Variants in ZBTB38 observed in about 807,000 individuals in gnomAD.
ZBTB38 encodes the protein zinc finger and BTB domain-containing protein 38.
ZBTB38 carries 20 observed loss-of-function variants against 76.8 expected under a neutral mutation model. The ratio of observed to expected loss-of-function variants is 0.26; its 90% CI spans 0.18 to 0.38. The LOEUF (loss-of-function observed/expected upper bound fraction) is 0.38, where lower values mean the gene tolerates loss of function less well. Ranked by LOEUF, ZBTB38 falls within the 10% of genes least tolerant of loss-of-function variation. The pLI, the probability that ZBTB38 is intolerant of heterozygous loss-of-function variation, is 1.00. For synonymous variants in ZBTB38, 504 were observed against 544.2 expected (o/e 0.93, Z 1.03); for missense variants, 1,082 against 1,482.3 (o/e 0.73, Z 4.43).
chr3:141,389,603 T>C (rs1395608577), intron 4 of ZBTB38: 2 of 152,172 alleles, frequency 1.3e-5, no homozygotes, highest in Non-Finnish European at 2.9e-5. Context: ...TTTTTTTTAG[T>C]ACCAACAGCA....
intron 3 of ZBTB38, among the ~76,000 whole-genome samples, chr3:141,384,519 A>G (rs541979324): frequency 8.5e-5 from 13 of 152,268 alleles, no homozygotes; most frequent in Admixed American, 1.3e-4. Flanking sequence ...CTCAACAGAC[A>G]TGAAGAGCAT....
chr3:141,403,062 C>T (rs538015717), intron 4 of ZBTB38: 2 of 152,320 alleles, frequency 1.3e-5, no homozygotes, highest in East Asian at 3.9e-4. Context: ...AACCGCCCGC[C>T]GTTAGCCACT....
intron 5 of ZBTB38, among the ~76,000 whole-genome samples, chr3:141,438,632 T>C (rs888258772): frequency 1.1e-4 from 17 of 152,352 alleles, no homozygotes; most frequent in African/African-American, 3.8e-4. Context: ...TGATGGCCTA[T>C]TGGTCTCCTG....
intron 1 of ZBTB38, among the ~76,000 whole-genome samples, chr3:141,343,398 A>T (rs1053568287): frequency 1.1e-4 from 17 of 152,130 alleles, no homozygotes; most frequent in African/African-American, 4.1e-4. Context: ...GTGTTAGGTC[A>T]TGAGAGCCAG....
At position 141,447,642 on chromosome 3, in the gene ZBTB38, AC is replaced by A. The variant is rs2081197445; in HGVS notation, c.*1669del. The A allele has an allele frequency of 6.6e-6, 1 of 152,340 alleles. No individual in the cohort carries two copies. Among genetic ancestry groups the A allele is most frequent in the Admixed American group, 6.5e-5 (1 of 15,286 alleles). The allele number at this position is 152,340 out of a possible 1,614,324, so 9.4% of individuals were successfully genotyped here. ...TGTTCATTGGATTTGACAGATGGAA[AC>A]CCAAGGTTATCGAAGATTGGAAGGT... On this transcript the variant is annotated 3_prime_UTR_variant, in exon 6 of 6. Transcript: ENST00000321464.
At chr3:141,429,286 G>A (rs1230234188) in intron 5 of ZBTB38, among the ~76,000 whole-genome samples, 4 of 151,976 alleles carry the variant, frequency 2.6e-5, no homozygotes, top group East Asian at 1.9e-4. Context: ...TGCTTTTTGC[G>A]GGGATTGTGA....
intron 1 of ZBTB38, among the ~76,000 whole-genome samples, chr3:141,340,202 C>T (rs1468296236): frequency 2.6e-5 from 4 of 152,150 alleles, no homozygotes; most frequent in Admixed American, 6.5e-5. Flanking sequence ...TTTGTTAAAA[C>T]CTAGTGTTTA....
In ZBTB38 at chr3:141,340,221, G is replaced by C. The variant is rs550035260; in HGVS notation, c.-739+15765G>C. Among the ~76,000 whole-genome samples the C allele has an allele frequency of 5.3e-5, 8 of 152,250 alleles. No individual in the cohort carries two copies. The East Asian group carries it at 1.5e-3, about 29-fold the overall frequency. ...TTAAAACCTAGTGTTTAAAAACCAT[G>C]TATACTTTAGAGTTTTCAATAATAT... On this transcript the variant is annotated intron_variant, in intron 1 of 7. Transcript: ENST00000509842.
At chr3:141,381,012 G>A (rs1463595211) in intron 2 of ZBTB38, among the ~76,000 whole-genome samples, 2 of 152,090 alleles carry the variant, frequency 1.3e-5, no homozygotes, top group Non-Finnish European at 2.9e-5. Context: ...CTAGTTGCCA[G>A]TCTCTCCAAA....
chr3:141,345,404 A>T (rs1576655509), intron 1 of ZBTB38, among the ~76,000 whole-genome samples: 1 of 152,064 alleles, frequency 6.6e-6, no homozygotes, highest in African/African-American at 2.4e-5. Flanking sequence ...ACATGCTGGG[A>T]ACAGGTGAGC....
At chr3:141,337,058 C>T (rs753762216) in intron 1 of ZBTB38, among the ~76,000 whole-genome samples, 13 of 152,222 alleles carry the variant, frequency 8.5e-5, no homozygotes, top group Non-Finnish European at 1.6e-4. Flanking sequence ...TCTCCTTTGA[C>T]GCCCACTTCC....
chr3:141,380,489 T>A lies in ZBTB38; in HGVS notation c.-234-936T>A, dbSNP rs531077518. Among the ~76,000 whole-genome samples the A allele has an allele frequency of 2.0e-5, 3 of 152,310 alleles. No homozygotes were observed. In the South Asian group the frequency reaches 6.2e-4, roughly 32 times the overall value. On this transcript the variant is annotated intron_variant, in intron 2 of 5. Transcript: ENST00000321464. Reference sequence around the variant, plus strand: ...TTCCTTAACTCCTGAAGCAAGTACTTTAACTTTAGGAAGTGGCTTCATGAT... The same window carrying A: ...TTCCTTAACTCCTGAAGCAAGTACTATAACTTTAGGAAGTGGCTTCATGAT...
At chr3:141,416,331 A>G (rs2074046565) in intron 5 of ZBTB38, among the ~76,000 whole-genome samples, 1 of 152,148 alleles carries the variant, frequency 6.6e-6, no homozygotes, top group Non-Finnish European at 1.5e-5. Flanking sequence ...TTGTGAATTT[A>G]TGGTTGTTGT....
intron 5 of ZBTB38, among the ~76,000 whole-genome samples, 168 bp downstream of exon 5, chr3:141,404,199 C>T (rs1272954966): frequency 6.6e-6 from 1 of 152,232 alleles, no homozygotes; most frequent in East Asian, 1.9e-4. Flanking sequence ...GTGTGAAGCC[C>T]CCGTGATGAA....
intron 5 of ZBTB38, among the ~76,000 whole-genome samples, chr3:141,428,503 T>A (rs1241124351): frequency 3.3e-5 from 5 of 152,174 alleles, no homozygotes; most frequent in African/African-American, 1.2e-4. Flanking sequence ...ATTTTTTTTT[T>A]AGACGGAGTT....
At chr3:141,436,600 C>G (rs1436742415) in intron 5 of ZBTB38, among the ~76,000 whole-genome samples, 1 of 152,104 alleles carries the variant, frequency 6.6e-6, no homozygotes, top group Non-Finnish European at 1.5e-5. Flanking sequence ...CAGGTTCAAG[C>G]GATTCTCCTT....
At chr3:141,326,614 C>T (rs1434426992) in intron 1 of ZBTB38, among the ~76,000 whole-genome samples, 1 of 152,172 alleles carries the variant, frequency 6.6e-6, no homozygotes, top group African/African-American at 2.4e-5. Context: ...CTCTTTTCTA[C>T]AGTCTTGGTG....
At chr3:141,426,288 C>A in intron 5 of ZBTB38, 1 of 890,952 alleles carries the variant, frequency 1.1e-6, no homozygotes, top group Non-Finnish European at 1.6e-6. Context: ...CAAACCCTGG[C>A]TCAGTGTCAG....
chr3:141,388,653 G>A lies in ZBTB38; in HGVS notation c.-106+1716G>A, dbSNP rs1947872628. 3 of 152,158 alleles carry A rather than the reference G, an allele frequency of 2.0e-5. No individual in the cohort carries two copies. The South Asian group carries it at 6.2e-4, about 32-fold the overall frequency. 9.4% of individuals were successfully genotyped at this position (152,158 alleles called of 1,614,324 possible). On this transcript the variant is annotated intron_variant, in intron 4 of 5. Transcript: ENST00000321464. Reference sequence around the variant, plus strand: ...TGGTAACCAAATCGTATTTAAACATGTAATAACAGATATGCAAAAGAATGT... The same window carrying A: ...TGGTAACCAAATCGTATTTAAACATATAATAACAGATATGCAAAAGAATGT...
Sources: allele counts gnomAD v4.1 joint callset (sites outside exome capture counted in the v4.1 genomes callset), GRCh38; gene constraint gnomAD v4.1.1; transcripts MANE v1.5; gene names NCBI Gene and HGNC (gene_info 2026-07-23, HGNC 2026-07-21).